Variants in SPATA16 observed in about 807,000 individuals in gnomAD.
SPATA16 encodes the protein spermatogenesis associated 16.
In SPATA16, 36 loss-of-function variants were observed where a neutral mutation model predicts 63.3. The observed-to-expected ratio is 0.57, with a 90% CI of 0.44 to 0.75. The LOEUF is 0.75. Ranked by LOEUF, SPATA16 falls within the 30% of genes least tolerant of loss-of-function variation. SPATA16 has a pLI of 0.00. For synonymous variants in SPATA16, 203 were observed against 216.7 expected, an observed-to-expected ratio of 0.94 and a Z score of 0.56; for missense variants, 646 against 679.3, an observed-to-expected ratio of 0.95 and a Z score of 0.54.
chr3:172,938,626 C>A (rs1048929011), intron 6 of SPATA16, among the ~76,000 whole-genome samples: 2 of 152,114 alleles, frequency 1.3e-5, no homozygotes, highest in African/African-American at 2.4e-5. Flanking sequence ...AGAAAAATAT[C>A]TTGAGTTTCT....
At chr3:173,131,090 C>T (rs1738371860) in intron 1 of SPATA16, among the ~76,000 whole-genome samples, 1 of 152,148 alleles carries the variant, frequency 6.6e-6, no homozygotes, top group Admixed American at 6.5e-5. Context: ...GCATATTGAT[C>T]ATCCACTAAT....
At chr3:173,062,949 G>T (rs1736419337) in intron 2 of SPATA16, among the ~76,000 whole-genome samples, 1 of 152,204 alleles carries the variant, frequency 6.6e-6, no homozygotes, top group South Asian at 2.1e-4. Flanking sequence ...CTGACAGGAG[G>T]CAGAGCTCAG....
chr3:173,031,897 G>T (rs1435448575), intron 3 of SPATA16, among the ~76,000 whole-genome samples: 1 of 151,998 alleles, frequency 6.6e-6, no homozygotes, highest in Non-Finnish European at 1.5e-5. Flanking sequence ...TTGAGAAAAA[G>T]AACTGCTTTA....
chr3:172,989,215 A>G (rs1357975639), intron 4 of SPATA16, among the ~76,000 whole-genome samples: 2 of 152,140 alleles, frequency 1.3e-5, no homozygotes, highest in Non-Finnish European at 2.9e-5. Flanking sequence ...ATCCAAGTGT[A>G]TCCATTCTGT....
intron 10 of SPATA16, among the ~76,000 whole-genome samples, chr3:172,896,023 G>A (rs1458356197): frequency 6.6e-6 from 1 of 151,024 alleles, no homozygotes; most frequent in South Asian, 2.1e-4. Flanking sequence ...TGGTTGGATT[G>A]GAAATGAAAT....
chr3:173,098,353 C>T (rs1249590487), intron 2 of SPATA16, among the ~76,000 whole-genome samples: 1 of 152,170 alleles, frequency 6.6e-6, no homozygotes, highest in Non-Finnish European at 1.5e-5. Context: ...TATTTTATCT[C>T]ACTTAATCAG....
chr3:173,110,024 C>T (rs1737710825), intron 2 of SPATA16, among the ~76,000 whole-genome samples: 1 of 126,886 alleles, frequency 7.9e-6, no homozygotes, highest in East Asian at 2.2e-4. Flanking sequence ...TGTAATAATA[C>T]TTTTATCTTA....
chr3:172,924,419 T>C (rs760978494), intron 7 of SPATA16, 102 bp from the exon 8 acceptor site: 38 of 888,538 alleles, frequency 4.3e-5, no homozygotes, highest in Non-Finnish European at 6.4e-5. Flanking sequence ...TATTAATAGA[T>C]ACAAAATCTT....
At chr3:172,923,339 A>T (rs1429741625) in intron 8 of SPATA16, among the ~76,000 whole-genome samples, 1 of 152,230 alleles carries the variant, frequency 6.6e-6, no homozygotes, top group African/African-American at 2.4e-5. Flanking sequence ...GTGCAAACAG[A>T]TTAGGTGTTT....
intron 3 of SPATA16, among the ~76,000 whole-genome samples, chr3:173,038,252 T>C (rs1735759780): frequency 6.6e-6 from 1 of 152,076 alleles, no homozygotes; most frequent in South Asian, 2.1e-4. Context: ...TTGTATGTAA[T>C]ACCCTATATA....
chr3:172,919,449 T>C (rs549725078), intron 8 of SPATA16, among the ~76,000 whole-genome samples: 8 of 152,310 alleles, frequency 5.3e-5, no homozygotes, highest in Middle Eastern at 3.4e-3. Context: ...TGGCCATGTA[T>C]TGTGTACCTA....
At chr3:172,903,369 G>A (rs1465732638) in intron 10 of SPATA16, among the ~76,000 whole-genome samples, 1 of 152,196 alleles carries the variant, frequency 6.6e-6, no homozygotes, top group East Asian at 1.9e-4. Context: ...ACTAATACGA[G>A]CATTTCCAAT....
Position 173,017,457 on chromosome 3 carries a change from T to C in SPATA16, c.848+2029A>G, listed in dbSNP as rs1421151906. Among the ~76,000 whole-genome samples the C allele has an allele frequency of 3.3e-5, 5 of 152,318 alleles. No individual in the cohort carries two copies. The East Asian group carries it at 9.6e-4, about 29-fold the overall frequency. ...TTTGTTTTGGGACCCACGAAAAATT[T>C]ATGTCATTACTTTGGCTCCAACAGG... On this transcript the variant is annotated intron_variant, in intron 4 of 10. Transcript: ENST00000351008.
chr3:172,944,547 C>T (rs540756819), intron 6 of SPATA16, among the ~76,000 whole-genome samples: 1 of 152,134 alleles, frequency 6.6e-6, no homozygotes, highest in African/African-American at 2.4e-5. Flanking sequence ...TACCCATGTT[C>T]ATAGCAGCAT....
intron 2 of SPATA16, among the ~76,000 whole-genome samples, chr3:173,076,741 C>T (rs6807665): frequency 0.021 from 3,253 of 152,094 alleles, 125 homozygotes; most frequent in African/African-American, 0.075. Context: ...GAAAATTATT[C>T]ACTAATCTTT....
In SPATA16 at chr3:173,019,535, G is replaced by T. The variant is rs141658177; in HGVS notation, c.799C>A (p.Arg267Ser). 2 of 1,614,056 alleles carry T rather than the reference G, an allele frequency of 1.2e-6. No individual in the cohort carries two copies. Among genetic ancestry groups the T allele is most frequent in the Non-Finnish European group, 1.7e-6 (2 of 1,179,970 alleles). ...LNPAYFRNHL[R>S]QATVFRCLER... The stretch of plus-strand genomic sequence containing the variant: ...AGACATCTAAACACTGTTGCTTGAC[G>T]AAGATGATTCCGGAAATAGGCTGGG... Residue 267 changes from arginine (R) to serine (S), a missense_variant, in exon 4 of 11, where the codon CGT (arginine) becomes AGT (serine). By Grantham distance (110) the Arg-to-Ser change is moderately radical (BLOSUM62 -1). Transcript: ENST00000351008.
chr3:172,928,946 A>G (rs990913530), intron 6 of SPATA16, among the ~76,000 whole-genome samples: 1 of 152,182 alleles, frequency 6.6e-6, no homozygotes, highest in Admixed American at 6.5e-5. Flanking sequence ...ATGACAACAC[A>G]CTTACCAGAT....
At chr3:172,910,781 C>A (rs1732355866) in intron 10 of SPATA16, among the ~76,000 whole-genome samples, 1 of 152,186 alleles carries the variant, frequency 6.6e-6, no homozygotes, top group African/African-American at 2.4e-5. Context: ...CTATTATACT[C>A]TTTCTAAGCC....
At chr3:173,107,658 C>T (rs1304416363) in intron 2 of SPATA16, among the ~76,000 whole-genome samples, 1 of 152,168 alleles carries the variant, frequency 6.6e-6, no homozygotes, top group Non-Finnish European at 1.5e-5. Context: ...GCAATTGCAA[C>T]TTCACTCTGC....
Sources: allele counts gnomAD v4.1 joint callset (sites outside exome capture counted in the v4.1 genomes callset), GRCh38; gene constraint gnomAD v4.1.1; transcripts MANE v1.5; gene names NCBI Gene and HGNC (gene_info 2026-07-23, HGNC 2026-07-21).